CTNNBIP1: variants seen among roughly 807,000 people sequenced by gnomAD.
The protein encoded by CTNNBIP1 is catenin beta interacting protein 1, also known as beta-catenin-interacting protein 1.
A neutral mutation model predicts 11.8 loss-of-function variants in CTNNBIP1; 7 were observed. That is an observed-to-expected ratio of 0.60 (90% CI 0.34 to 1.12). The LOEUF is 1.12. CTNNBIP1 is among the 50% of genes most tolerant of loss of function. The pLI, the probability that CTNNBIP1 is intolerant of heterozygous loss-of-function variation, is 0.03. For missense variants in CTNNBIP1, 101 were observed against 113.4 expected, an observed-to-expected ratio of 0.89 and a Z score of 0.50; for synonymous variants, 58 against 43.9, an observed-to-expected ratio of 1.32 and a Z score of -1.26.
intron 1 of CTNNBIP1, among the ~76,000 whole-genome samples, chr1:9,903,117 G>A (rs550379576): frequency 3.3e-5 from 5 of 152,168 alleles, no homozygotes; most frequent in East Asian, 1.9e-4. Flanking sequence ...TACCTATGAT[G>A]GTGTCCAGAT....
intron 5 of CTNNBIP1, among the ~76,000 whole-genome samples, chr1:9,861,876 T>C (rs752494719): frequency 2.0e-5 from 3 of 152,190 alleles, no homozygotes; most frequent in Non-Finnish European, 4.4e-5. Context: ...TACTCATCTG[T>C]ACAACGTGAT....
At chr1:9,858,853 G>C (rs897982532) in intron 5 of CTNNBIP1, among the ~76,000 whole-genome samples, 1 of 152,186 alleles carries the variant, frequency 6.6e-6, no homozygotes, top group African/African-American at 2.4e-5. Context: ...ATCAGAGGCA[G>C]AGAGAAGACC....
In CTNNBIP1 at chr1:9,896,421, G is replaced by A. The variant is rs927833672; in HGVS notation, c.-143-12683C>T. ...ATGAAATGAAACCTAGAAGTCAGCC[G>A]GGTGCAGTGGCTCATGCCTGCAATC... On this transcript the variant is annotated intron_variant, in intron 1 of 5. Transcript: ENST00000377263. 3.9e-5 allele frequency among the ~76,000 whole-genome samples: 6 copies of A among 152,334 alleles called. 2 individuals carry two copies. Among genetic ancestry groups the A allele is most frequent in the Admixed American group, 3.9e-4 (6 of 15,298 alleles).
rs1638378247 is a variant in CTNNBIP1 at position 9,851,225 on chromosome 1, C to T, written c.188-449G>A. ...TCACTGTGGTTTTAAATAGCCATTC[C>T]TCTTTGCAGCAGCTTCTCCTTCACC... On this transcript the variant is annotated intron_variant, in intron 5 of 5. Transcript: ENST00000377263. This position sits in a 1 kb window ranked among gnomAD's most constrained non-coding sequence, Gnocchi z 4.8. Among the ~76,000 whole-genome samples the T allele has an allele frequency of 6.6e-6, 1 of 152,168 alleles. No individual in the cohort carries two copies. The highest frequency in any genetic ancestry group is 1.5e-5 in the Non-Finnish European group (1 of 68,040).
chr1:9,873,822 C>G (rs1321500390), intron 3 of CTNNBIP1, among the ~76,000 whole-genome samples: 1 of 152,176 alleles, frequency 6.6e-6, no homozygotes, highest in African/African-American at 2.4e-5. Flanking sequence ...GCTGCCTCAA[C>G]CTGCTGGGCT....
rs527411853 is a variant in CTNNBIP1 at position 9,897,948 on chromosome 1, G to A, written c.-144+12147C>T. ...AGCCTGGCCAATAGGGCGAAACCCC[G>A]TCTCTACTAAAAAATACAAAAATTA... On this transcript the variant is annotated intron_variant, in intron 1 of 5. Transcript: ENST00000377263. Among the ~76,000 whole-genome samples the A allele has an allele frequency of 2.7e-3, 412 of 151,604 alleles. 1 individual carries two copies. The highest frequency in any genetic ancestry group is 8.5e-3 in the African/African-American group (352 of 41,338).
intron 5 of CTNNBIP1, among the ~76,000 whole-genome samples, chr1:9,865,264 A>G (rs112569195): frequency 1.3e-5 from 2 of 151,118 alleles, no homozygotes; most frequent in African/African-American, 2.4e-5. Context: ...GAAATTATTT[A>G]AGAACACAGT....
At chr1:9,862,391 C>T (rs1638650153) in intron 5 of CTNNBIP1, among the ~76,000 whole-genome samples, 1 of 152,140 alleles carries the variant, frequency 6.6e-6, no homozygotes. Flanking sequence ...CCCATCCTGG[C>T]ATATTCTCAA....
At chr1:9,858,646 A>T (rs1000663763) in intron 5 of CTNNBIP1, among the ~76,000 whole-genome samples, 4 of 152,138 alleles carry the variant, frequency 2.6e-5, no homozygotes, top group Admixed American at 6.6e-5. Flanking sequence ...GGTCTTCAGC[A>T]CCCTCAGTGC....
At chr1:9,865,472 C>T (rs1267964011) in intron 5 of CTNNBIP1, among the ~76,000 whole-genome samples, 2 of 151,810 alleles carry the variant, frequency 1.3e-5, no homozygotes, top group Non-Finnish European at 2.9e-5. Context: ...GGCGTGGTGG[C>T]GGGCGCCTGT....
At chr1:9,878,323 G>A (rs979705940) in intron 2 of CTNNBIP1, 1 of 152,240 alleles carries the variant, frequency 6.6e-6, no homozygotes, top group African/African-American at 2.4e-5. Context: ...AGACACTGTG[G>A]ACCAGAATGC....
rs1428762231 is a variant in CTNNBIP1, at chr1:9,867,419, C to T, written c.187+3768G>A. Among the ~76,000 whole-genome samples the T allele has an allele frequency of 3.3e-5, 5 of 152,144 alleles. No homozygotes were observed. Among genetic ancestry groups the T allele is most frequent in the African/African-American group, 1.2e-4 (5 of 41,438 alleles). On this transcript the variant is annotated intron_variant, in intron 5 of 5. Transcript: ENST00000377263. This position sits in a 1 kb window ranked among gnomAD's most constrained non-coding sequence, Gnocchi z 4.6. ...AGGGGGTAAAGGGGTGCCCACGGCC[C>T]CCTCCCTGGGCCTCAAGTAAGGGAG...
chr1:9,859,043 C>T (rs1381182077), intron 5 of CTNNBIP1, among the ~76,000 whole-genome samples: 1 of 152,192 alleles, frequency 6.6e-6, no homozygotes, highest in Non-Finnish European at 1.5e-5. Flanking sequence ...AGCCCAGGGA[C>T]ACCTTGGAGA....
At chr1:9,905,075 C>T (rs963640073) in intron 1 of CTNNBIP1, among the ~76,000 whole-genome samples, 2 of 152,160 alleles carry the variant, frequency 1.3e-5, no homozygotes, top group South Asian at 2.1e-4. Flanking sequence ...CTATTCCAGC[C>T]GCTCTTCGTA....
Position 9,871,953 on chromosome 1 carries a change from C to A in CTNNBIP1, c.96+16G>T, listed in dbSNP as rs542496072. ...CTCCCTGGGGGCCCGCTGCCTGACA[C>A]CCCACAGGCACTCACGTTTGATCCC... On this transcript the variant is annotated intron_variant, in intron 4 of 5. Coordinates refer to ENST00000377263, the MANE Select transcript of CTNNBIP1 (RefSeq NM_020248.3). The surrounding 1 kb of genome is among the most constrained non-coding windows in gnomAD (Gnocchi z 5.2). The A allele has an allele frequency of 1.4e-5, 23 of 1,607,390 alleles. No individual in the cohort carries two copies. The highest frequency in any genetic ancestry group is 2.0e-5 in the Non-Finnish European group (23 of 1,174,018).
intron 2 of CTNNBIP1, among the ~76,000 whole-genome samples, chr1:9,878,430 G>A (rs1194919572): frequency 6.6e-6 from 1 of 152,160 alleles, no homozygotes; most frequent in Non-Finnish European, 1.5e-5. Flanking sequence ...AGGTAGCTCA[G>A]CACCCCGCAG....
At chr1:9,869,677 T>G (rs1233414150) in intron 5 of CTNNBIP1, among the ~76,000 whole-genome samples, 1 of 152,180 alleles carries the variant, frequency 6.6e-6, no homozygotes, top group Non-Finnish European at 1.5e-5. Flanking sequence ...GTCTCCTATT[T>G]TGATTTTTTC....
chr1:9,894,554 G>T (rs1182348735), intron 1 of CTNNBIP1, among the ~76,000 whole-genome samples: 2 of 151,498 alleles, frequency 1.3e-5, no homozygotes. Flanking sequence ...GTGAGACAGG[G>T]TCTCACCCTG....
chr1:9,889,343 A>C (rs1219251697), intron 1 of CTNNBIP1, among the ~76,000 whole-genome samples: 1 of 152,180 alleles, frequency 6.6e-6, no homozygotes, highest in Non-Finnish European at 1.5e-5. Context: ...TGTCACGACT[A>C]GTAGGGTCCT....
Sources: allele counts gnomAD v4.1 joint callset (sites outside exome capture counted in the v4.1 genomes callset), GRCh38; gene constraint gnomAD v4.1.1; non-coding constraint Gnocchi (gnomAD v3.1); transcripts MANE v1.5; gene names NCBI Gene and HGNC (gene_info 2026-07-23, HGNC 2026-07-21).